The following CNTN4 variants were observed in gnomAD, a reference collection of about 807,000 sequenced individuals.
CNTN4 encodes the protein contactin 4.
Under a neutral mutation model 122.5 loss-of-function variants are expected in CNTN4, and 77 were observed. The ratio of observed to expected loss-of-function variants is 0.63; its 90% confidence interval spans 0.52 to 0.76. The LOEUF is 0.76. Ranked by LOEUF, CNTN4 falls within the 30% of genes least tolerant of loss-of-function variation. The pLI, the probability that CNTN4 is intolerant of heterozygous loss-of-function variation, is 0.00. For missense variants in CNTN4, 1,256 were observed against 1,259.1 expected, an observed-to-expected ratio of 1.00 and a Z score of 0.04; for synonymous variants, 512 against 447.0, an observed-to-expected ratio of 1.15 and a Z score of -1.83.
At chr3:2,799,427 T>G (rs559554393) in intron 6 of CNTN4, among the ~76,000 whole-genome samples, 2 of 152,198 alleles carry the variant, frequency 1.3e-5, no homozygotes, top group Non-Finnish European at 2.9e-5. Flanking sequence ...TCCTCAAGAG[T>G]TTTTCCTAGG....
intron 2 of CNTN4, among the ~76,000 whole-genome samples, chr3:2,327,468 GT>G (rs1054178888): frequency 2.0e-5 from 3 of 152,034 alleles, no homozygotes; most frequent in African/African-American, 7.2e-5. Flanking sequence ...TTTTATATTT[GT>G]TTTAGCGTTC....
chr3:2,269,629 G>T (rs1444206093), intron 2 of CNTN4, among the ~76,000 whole-genome samples: 2 of 151,982 alleles, frequency 1.3e-5, no homozygotes, highest in African/African-American at 2.4e-5. Flanking sequence ...ATACAATGAG[G>T]TCCCGCAAAG....
intron 6 of CNTN4, among the ~76,000 whole-genome samples, chr3:2,765,110 AT>A (rs1213674394): frequency 1.3e-5 from 2 of 152,244 alleles, no homozygotes; most frequent in African/African-American, 4.8e-5. Flanking sequence ...CCCAGACTCA[AT>A]TTCTAAATGC....
At chr3:2,148,242 A>G (rs2035336021) in intron 2 of CNTN4, among the ~76,000 whole-genome samples, 1 of 152,122 alleles carries the variant, frequency 6.6e-6, no homozygotes, top group Admixed American at 6.6e-5. Context: ...ATTATTCAGA[A>G]AAACAGCAAG....
rs2042327677 is a variant in CNTN4, at chr3:2,296,747, G to A, written c.-144-42431G>A. 2.0e-5 allele frequency among the ~76,000 whole-genome samples: 3 copies of A among 150,480 alleles called. No individual in the cohort carries two copies. The South Asian group carries it at 6.3e-4, about 31-fold the overall frequency. ...ATATTGCAGGTGACATGTACTATAT[G>A]CAACAGGTGTTTGTTTAGGTTATGT... On this transcript the variant is annotated intron_variant, in intron 2 of 24. Coordinates refer to ENST00000418658, the MANE Select transcript of CNTN4 (RefSeq NM_175607.3).
chr3:2,465,647 A>C (rs1204555178), intron 3 of CNTN4, among the ~76,000 whole-genome samples: 1 of 152,222 alleles, frequency 6.6e-6, no homozygotes, highest in East Asian at 1.9e-4. Context: ...ACTTCACTCC[A>C]GCCTAGGCGA....
chr3:2,252,340 A>G (rs1290090968), intron 2 of CNTN4, among the ~76,000 whole-genome samples: 1 of 151,748 alleles, frequency 6.6e-6, no homozygotes, highest in Non-Finnish European at 1.5e-5. Flanking sequence ...TTACATTTTT[A>G]TGTATCTCTT....
At chr3:2,240,252 T>G (rs889965268) in intron 2 of CNTN4, among the ~76,000 whole-genome samples, 1 of 152,212 alleles carries the variant, frequency 6.6e-6, no homozygotes, top group Non-Finnish European at 1.5e-5. Context: ...GGGTTAGATA[T>G]TCATTTGAGA....
At chr3:2,579,496 G>T (rs2079840835) in intron 4 of CNTN4, among the ~76,000 whole-genome samples, 1 of 151,716 alleles carries the variant, frequency 6.6e-6, no homozygotes, top group African/African-American at 2.4e-5. Context: ...CTTATGAGTT[G>T]TGTGATAAAG....
chr3:2,755,014 G>T (rs952841040), intron 6 of CNTN4, among the ~76,000 whole-genome samples: 2 of 152,170 alleles, frequency 1.3e-5, no homozygotes, highest in African/African-American at 2.4e-5. Flanking sequence ...AGTGGTAGTG[G>T]TGGTGGTGAT....
chr3:2,122,507 A>G, intron 2 of CNTN4, among the ~76,000 whole-genome samples: 1 of 152,210 alleles, frequency 6.6e-6, no homozygotes, highest in East Asian at 1.9e-4. Context: ...CAAAGGCCAT[A>G]ATACTAGAAC....
chr3:2,794,695 T>C (rs936754543), intron 6 of CNTN4, among the ~76,000 whole-genome samples: 1 of 152,222 alleles, frequency 6.6e-6, no homozygotes, highest in Non-Finnish European at 1.5e-5. Context: ...CCATTCTGTT[T>C]AGGCTGCTGT....
At chr3:2,213,013 T>G (rs559635289) in intron 2 of CNTN4, among the ~76,000 whole-genome samples, 19 of 152,318 alleles carry the variant, frequency 1.2e-4, no homozygotes, top group Non-Finnish European at 2.2e-4. Context: ...GAATTTTTCA[T>G]TTTTAAACCT....
chr3:2,865,104 C>T (rs1340250095), intron 7 of CNTN4, among the ~76,000 whole-genome samples: 2 of 152,110 alleles, frequency 1.3e-5, no homozygotes, highest in Non-Finnish European at 2.9e-5. Context: ...TTCTGGAAAG[C>T]ACTTGTATAT....
intron 8 of CNTN4, among the ~76,000 whole-genome samples, chr3:2,876,948 C>G (rs1387897682): frequency 6.6e-6 from 1 of 152,194 alleles, no homozygotes; most frequent in Non-Finnish European, 1.5e-5. Context: ...TTCAGACCAG[C>G]AGCATCAACA....
chr3:2,297,724 G>C (rs775581042), intron 2 of CNTN4, among the ~76,000 whole-genome samples: 2 of 151,952 alleles, frequency 1.3e-5, no homozygotes, highest in African/African-American at 4.8e-5. Flanking sequence ...TGTTTGTTTT[G>C]TTTTGTTTTC....
In CNTN4 at chr3:2,233,685, A is replaced by G. The variant is rs557396416; in HGVS notation, c.-144-105493A>G. Among the ~76,000 whole-genome samples the G allele has an allele frequency of 3.3e-5, 5 of 152,272 alleles. No individual in the cohort carries two copies. In the South Asian group the frequency reaches 1.0e-3, roughly 32 times the overall value. ...TTGAACCGTTTAACAAAGCAGCCGT[A>G]TAATAGAATCATCCTAGATCATAGT... On this transcript the variant is annotated intron_variant, in intron 2 of 24. Transcript: ENST00000418658.
intron 3 of CNTN4, among the ~76,000 whole-genome samples, chr3:2,416,478 G>C (rs2047416910): frequency 6.6e-6 from 1 of 152,030 alleles, no homozygotes; most frequent in Non-Finnish European, 1.5e-5. Flanking sequence ...TTACATATGA[G>C]GAAATCAACA....
chr3:2,159,347 CA>C (rs1284572414), intron 2 of CNTN4, among the ~76,000 whole-genome samples: 1 of 151,952 alleles, frequency 6.6e-6, no homozygotes, highest in African/African-American at 2.4e-5. Context: ...AATATTTTAA[CA>C]ATATCAAAAC....
Sources: gnomAD v4.1 joint callset for allele counts (sites outside exome capture counted in the v4.1 genomes callset) on GRCh38, gnomAD v4.1.1 for gene constraint, MANE v1.5 for transcripts, NCBI Gene and HGNC (gene_info 2026-07-23, HGNC 2026-07-21) for gene names.